Variants in FRMPD4 observed in about 807,000 individuals in gnomAD.
FRMPD4 encodes FERM and PDZ domain containing 4.
A neutral mutation model predicts 94.1 loss-of-function variants in FRMPD4; 22 were observed. The ratio of observed to expected loss-of-function variants is 0.23; its 90% confidence interval spans 0.17 to 0.33. The LOEUF (loss-of-function observed/expected upper bound fraction) is 0.33. FRMPD4 is among the 10% of genes least tolerant of loss of function. FRMPD4 has a pLI of 1.00. For synonymous variants in FRMPD4, 631 were observed against 548.6 expected, an observed-to-expected ratio of 1.15 and a Z score of -2.10; for missense variants, 1,111 against 1,339.9, an observed-to-expected ratio of 0.83 and a Z score of 2.67.
intron 3 of FRMPD4, among the ~76,000 whole-genome samples, chrX:12,125,365 G>A (rs2055490420): frequency 8.9e-6 from 1 of 112,048 alleles, no homozygotes; most frequent in Non-Finnish European, 1.9e-5. Context: ...ATTTCTGGAG[G>A]TGTTACCAGA....
chrX:11,974,046 T>C (rs931361369), intron 3 of FRMPD4, among the ~76,000 whole-genome samples: 11 of 111,756 alleles, frequency 9.8e-5, no homozygotes, highest in Non-Finnish European at 1.1e-4. Flanking sequence ...CGAGTGGAAC[T>C]CTGCTTAGCA....
chrX:12,407,435 A>G, intron 1 of FRMPD4, among the ~76,000 whole-genome samples: 1 of 112,010 alleles, frequency 8.9e-6, no homozygotes, highest in Non-Finnish European at 1.9e-5. Context: ...CTGTGTGGAC[A>G]TGGGAAAGTC....
At chrX:12,715,998 G>GCCGGGGCCCCCC in intron 14 of FRMPD4, 71 bp from the exon 15 acceptor site, 2 of 383,858 alleles carry the variant, frequency 5.2e-6, no homozygotes, top group Admixed American at 3.7e-5. Flanking sequence ...ACAGAGACGA[G>GCCGGGGCCCCCC]CCTCCCACCC....
At chrX:12,527,326 T>C (rs1209090491) in intron 2 of FRMPD4, among the ~76,000 whole-genome samples, 1 of 111,451 alleles carries the variant, frequency 9.0e-6, no homozygotes, top group East Asian at 2.8e-4. Flanking sequence ...TTTCCACTCA[T>C]GTTGCTTGGT....
chrX:12,539,655 CGG>C (rs906158941), intron 2 of FRMPD4, among the ~76,000 whole-genome samples: 8 of 108,438 alleles, frequency 7.4e-5, no homozygotes, highest in African/African-American at 2.7e-4. Flanking sequence ...TTTTTTGAGA[CGG>C]AGTTTCACTC....
chrX:12,720,068 AAG>A (rs1569078562), intron 16 of FRMPD4, among the ~76,000 whole-genome samples: 27 of 108,830 alleles, frequency 2.5e-4, no homozygotes, highest in African/African-American at 8.8e-4. Context: ...GAAAGAAAGA[AAG>A]AAAGAAAGAA....
intron 3 of FRMPD4, among the ~76,000 whole-genome samples, chrX:12,126,024 C>G (rs2055496960): frequency 8.9e-6 from 1 of 112,382 alleles, no homozygotes; most frequent in Admixed American, 9.4e-5. Flanking sequence ...TCCCCAAGAC[C>G]AAGAATGCAT....
At chrX:12,409,938 T>C (rs746675666) in intron 1 of FRMPD4, among the ~76,000 whole-genome samples, 1 of 112,059 alleles carries the variant, frequency 8.9e-6, no homozygotes, top group East Asian at 2.8e-4. Flanking sequence ...TTCCCTTTTT[T>C]CTCAAGTATT....
intron 1 of FRMPD4, among the ~76,000 whole-genome samples, chrX:12,378,345 T>A (rs1198833953): frequency 8.9e-6 from 1 of 112,600 alleles, no homozygotes; most frequent in Non-Finnish European, 1.9e-5. Context: ...GCAATGTGCT[T>A]TTTCAATTAG....
chrX:12,088,029 G>C (rs907154463), intron 3 of FRMPD4, among the ~76,000 whole-genome samples: 1 of 112,666 alleles, frequency 8.9e-6, no homozygotes, highest in African/African-American at 3.2e-5. Context: ...AGGGAGCTTT[G>C]TTAATTCCTT....
chrX:12,423,801 AATG>A (rs2056914192), intron 1 of FRMPD4, among the ~76,000 whole-genome samples: 1 of 112,163 alleles, frequency 8.9e-6, no homozygotes, highest in Non-Finnish European at 1.9e-5. Context: ...AACTTCATGC[AATG>A]ATGTTAGCAT....
chrX:12,012,525 GC>G (rs2054586228), intron 3 of FRMPD4, among the ~76,000 whole-genome samples: 2 of 111,223 alleles, frequency 1.8e-5, no homozygotes, highest in Non-Finnish European at 3.8e-5. Flanking sequence ...TGCTCTCTTA[GC>G]TCGTTATGGT....
chrX:12,486,242 C>T (rs1374650736), intron 1 of FRMPD4, among the ~76,000 whole-genome samples: 2 of 111,602 alleles, frequency 1.8e-5, no homozygotes, highest in Non-Finnish European at 3.8e-5. Context: ...GGAGACTATG[C>T]TCAGACTGTG....
chrX:12,563,234 G>A (rs1216622358), intron 2 of FRMPD4, among the ~76,000 whole-genome samples: 1 of 59,926 alleles, frequency 1.7e-5, no homozygotes, highest in Non-Finnish European at 3.1e-5. Flanking sequence ...ATGCATGTAA[G>A]TGTGTACACA....
chrX:12,398,264 A>G (rs2056569218), intron 1 of FRMPD4, among the ~76,000 whole-genome samples: 2 of 112,302 alleles, frequency 1.8e-5, no homozygotes, highest in South Asian at 7.4e-4. Flanking sequence ...AATCTGATTT[A>G]ATTTTGTGTG....
intron 1 of FRMPD4, among the ~76,000 whole-genome samples, chrX:12,477,097 CAT>C (rs1282560724): frequency 7.1e-5 from 8 of 111,947 alleles, no homozygotes; most frequent in Non-Finnish European, 1.5e-4. Flanking sequence ...AAATGTGACA[CAT>C]ATACACCATG....
intron 1 of FRMPD4, among the ~76,000 whole-genome samples, chrX:11,844,358 AT>A (rs932471053): frequency 3.7e-5 from 4 of 107,847 alleles, no homozygotes; most frequent in Admixed American, 2.0e-4. Flanking sequence ...TTTTTGGAGG[AT>A]TTTTTTTTCT....
intron 1 of FRMPD4, among the ~76,000 whole-genome samples, chrX:12,440,328 G>A (rs1040205009): frequency 9.8e-5 from 11 of 111,900 alleles, no homozygotes; most frequent in African/African-American, 3.2e-4. Flanking sequence ...TTGAGGATTT[G>A]TATTTAAATA....
intron 3 of FRMPD4, among the ~76,000 whole-genome samples, chrX:12,051,961 G>A (rs1031944444): frequency 1.8e-5 from 2 of 111,935 alleles, no homozygotes; most frequent in Non-Finnish European, 3.8e-5. Flanking sequence ...AACTTGGTCA[G>A]TGGAGGTACT....
Sources: allele counts gnomAD v4.1 joint callset (sites outside exome capture counted in the v4.1 genomes callset), GRCh38; gene constraint gnomAD v4.1.1; transcripts MANE v1.5; gene names NCBI Gene and HGNC (gene_info 2026-07-23, HGNC 2026-07-21).